The following SYN3 variants were observed in gnomAD, a reference collection of about 807,000 sequenced individuals.
SYN3 encodes synapsin III.
A neutral mutation model predicts 65.8 loss-of-function variants in SYN3; 35 were observed. That is an observed-to-expected ratio of 0.53 (90% CI 0.41 to 0.70). The LOEUF (loss-of-function observed/expected upper bound fraction) is 0.70, where lower values mean the gene tolerates loss of function less well. Ranked by LOEUF, SYN3 falls within the 30% of genes least tolerant of loss-of-function variation. The pLI is 0.00. For synonymous variants in SYN3, 270 were observed against 292.9 expected (o/e 0.92, Z 0.80); for missense variants, 680 against 749.0 (o/e 0.91, Z 1.08).
intron 6 of SYN3, among the ~76,000 whole-genome samples, chr22:32,716,470 G>GT (rs1237318739): frequency 6.6e-6 from 1 of 152,030 alleles, no homozygotes; most frequent in Non-Finnish European, 1.5e-5. Flanking sequence ...AAGTTTTGAT[G>GT]TTTACCCTAG....
chr22:32,875,359 C>T (rs1457037126), intron 4 of SYN3, among the ~76,000 whole-genome samples: 1 of 152,162 alleles, frequency 6.6e-6, no homozygotes, highest in East Asian at 1.9e-4. Context: ...TTCCTTGTCT[C>T]GTTTCAGCCT....
chr22:32,930,475 A>T (rs1181979167), intron 4 of SYN3, among the ~76,000 whole-genome samples: 2 of 152,150 alleles, frequency 1.3e-5, no homozygotes, highest in Non-Finnish European at 2.9e-5. Context: ...TGTCTTTATC[A>T]GCAGCATGAA....
At chr22:32,993,945 G>C (rs1390704846) in intron 2 of SYN3, among the ~76,000 whole-genome samples, 1 of 152,150 alleles carries the variant, frequency 6.6e-6, no homozygotes, top group East Asian at 1.9e-4. Context: ...ATTTCCCCCA[G>C]ATTTTCTAGC....
At position 33,033,736 on chromosome 22, in the gene SYN3, T is replaced by G. The variant is rs947529343; in HGVS notation, c.-163+24556A>C. On this transcript the variant is annotated intron_variant, in intron 1 of 13. Transcript: ENST00000358763. Reference sequence around the variant, plus strand: ...CCTGTGGAATAATAGCACTGCGCACTGTGGCACTCCTACTCCAGCCTCTGC... The same window carrying G: ...CCTGTGGAATAATAGCACTGCGCACGGTGGCACTCCTACTCCAGCCTCTGC... 2.0e-5 allele frequency among the ~76,000 whole-genome samples: 3 copies of G among 152,142 alleles called. No individual in the cohort carries two copies. The East Asian group carries it at 5.8e-4, about 29-fold the overall frequency.
At chr22:32,845,242 G>A (rs1443692231) in intron 6 of SYN3, among the ~76,000 whole-genome samples, 1 of 152,002 alleles carries the variant, frequency 6.6e-6, no homozygotes, top group Non-Finnish European at 1.5e-5. Context: ...CTGTTTCCAG[G>A]CTGGAGTACG....
intron 6 of SYN3, among the ~76,000 whole-genome samples, chr22:32,820,625 T>A (rs2047219534): frequency 6.6e-6 from 1 of 152,088 alleles, no homozygotes; most frequent in Non-Finnish European, 1.5e-5. Context: ...CATGCTTGCT[T>A]AGGGTTGGGC....
At chr22:33,047,914 T>C (rs555663634) in intron 1 of SYN3, among the ~76,000 whole-genome samples, 4 of 147,280 alleles carry the variant, frequency 2.7e-5, no homozygotes, top group Non-Finnish European at 4.5e-5. Flanking sequence ...TTAGGTAACA[T>C]GACCGATGTC....
chr22:33,050,129 A>G (rs111646568), intron 1 of SYN3, among the ~76,000 whole-genome samples: 3,153 of 152,214 alleles, frequency 0.021, 114 homozygotes, highest in African/African-American at 0.07. Context: ...CTGTCAACTC[A>G]TCAAGTGACA....
chr22:32,733,461 A>G (rs963737881), intron 6 of SYN3, among the ~76,000 whole-genome samples: 3 of 152,170 alleles, frequency 2.0e-5, no homozygotes, highest in African/African-American at 7.2e-5. Flanking sequence ...ATTATCTCTG[A>G]CATTCTGGGC....
chr22:33,013,411 T>C (rs2053397656), intron 1 of SYN3, among the ~76,000 whole-genome samples: 1 of 152,314 alleles, frequency 6.6e-6, no homozygotes, highest in East Asian at 1.9e-4. Context: ...AAGGCCTCTC[T>C]GAGAAAGTTA....
intron 7 of SYN3, among the ~76,000 whole-genome samples, chr22:32,561,701 C>T (rs1039097115): frequency 6.6e-6 from 1 of 152,196 alleles, no homozygotes; most frequent in African/African-American, 2.4e-5. Context: ...AGAAACGGGG[C>T]AAGTGTGGAC....
chr22:32,976,110 A>G (rs1007740320), intron 3 of SYN3, among the ~76,000 whole-genome samples: 53 of 152,332 alleles, frequency 3.5e-4, no homozygotes, highest in African/African-American at 1.3e-3. Context: ...GAAGACATTG[A>G]TGTTAAATAC....
intron 7 of SYN3, among the ~76,000 whole-genome samples, chr22:32,559,287 A>G (rs2058549293): frequency 6.6e-6 from 1 of 152,200 alleles, no homozygotes; most frequent in Non-Finnish European, 1.5e-5. Context: ...GTAGACACCA[A>G]GGAGACAATG....
intron 9 of SYN3, among the ~76,000 whole-genome samples, chr22:32,537,532 A>T (rs2058185880): frequency 6.6e-6 from 1 of 152,200 alleles, no homozygotes; most frequent in South Asian, 2.1e-4. Flanking sequence ...GCCAGAGAGC[A>T]TCCCTAAAAC....
intron 6 of SYN3, among the ~76,000 whole-genome samples, chr22:32,608,476 G>T (rs2059398753): frequency 6.6e-6 from 1 of 152,168 alleles, no homozygotes; most frequent in Non-Finnish European, 1.5e-5. Context: ...TTCAGTTGAT[G>T]TTCACACATT....
chr22:32,982,750 T>C (rs1372175927), intron 2 of SYN3, among the ~76,000 whole-genome samples: 2 of 152,208 alleles, frequency 1.3e-5, no homozygotes, highest in African/African-American at 4.8e-5. Context: ...GTTGAATGAA[T>C]ACATGAGTGA....
chr22:32,749,193 C>T (rs1481707547), intron 6 of SYN3, among the ~76,000 whole-genome samples: 2 of 152,048 alleles, frequency 1.3e-5, no homozygotes, highest in Non-Finnish European at 2.9e-5. Flanking sequence ...TCACTGTGTC[C>T]TCGAATGCCA....
intron 7 of SYN3, among the ~76,000 whole-genome samples, chr22:32,569,896 C>G (rs190054683): frequency 6.6e-6 from 1 of 152,100 alleles, no homozygotes; most frequent in Admixed American, 6.5e-5. Flanking sequence ...TGTCATTAAC[C>G]GTAAGCACCT....
chr22:32,983,943 A>G lies in SYN3; in HGVS notation c.312-3241T>C, dbSNP rs530259098. On this transcript the variant is annotated intron_variant, in intron 2 of 13. Transcript: ENST00000358763. Reference sequence around the variant, plus strand: ...GGGAGGCTGAGGCAGGCGGATCACGAGGTCAGGAGTTGGAGTCCAGACTGG... The same window carrying G: ...GGGAGGCTGAGGCAGGCGGATCACGGGGTCAGGAGTTGGAGTCCAGACTGG... Among the ~76,000 whole-genome samples the G allele has an allele frequency of 5.3e-5, 8 of 152,230 alleles. No individual in the cohort carries two copies. The East Asian group carries it at 1.5e-3, about 29-fold the overall frequency.
Sources: gnomAD v4.1 joint callset for allele counts (sites outside exome capture counted in the v4.1 genomes callset) on GRCh38, gnomAD v4.1.1 for gene constraint, MANE v1.5 for transcripts, NCBI Gene and HGNC (gene_info 2026-07-23, HGNC 2026-07-21) for gene names.